The following MKLN1 variants were observed in gnomAD, a reference collection of about 807,000 sequenced individuals.
The protein encoded by MKLN1 is muskelin 1.
Under a neutral mutation model 99.0 loss-of-function variants are expected in MKLN1, and 18 were observed. The observed-to-expected ratio is 0.18, with a 90% CI of 0.13 to 0.27. The LOEUF (loss-of-function observed/expected upper bound fraction) is 0.27, where lower values mean the gene tolerates loss of function less well. MKLN1 is among the 10% of genes least tolerant of loss of function. The pLI is 1.00. For synonymous variants in MKLN1, 288 were observed against 293.2 expected (o/e 0.98, Z 0.18); for missense variants, 621 against 875.9 (o/e 0.71, Z 3.67).
At chr7:131,114,630 A>G (rs920654951) in intron 1 of MKLN1, among the ~76,000 whole-genome samples, 7 of 152,188 alleles carry the variant, frequency 4.6e-5, no homozygotes, top group African/African-American at 1.7e-4. Flanking sequence ...AGCAGTATTA[A>G]ATGCCAGCTA....
intron 3 of MKLN1, among the ~76,000 whole-genome samples, chr7:131,312,527 A>C (rs1054025375): frequency 6.6e-6 from 1 of 152,182 alleles, no homozygotes. Flanking sequence ...TTTTCATGAG[A>C]TTAATCTTAT....
intron 3 of MKLN1, among the ~76,000 whole-genome samples, chr7:131,226,028 C>CCCCT (rs1357629111): frequency 1.5e-4 from 22 of 151,650 alleles, no homozygotes; most frequent in Admixed American, 4.6e-4. Flanking sequence ...CCTGCCTTCC[C>CCCCT]CCCTCCCTCC....
At chr7:131,144,343 G>A (rs1487436195) in intron 2 of MKLN1, among the ~76,000 whole-genome samples, 4 of 151,728 alleles carry the variant, frequency 2.6e-5, no homozygotes, top group East Asian at 1.9e-4. Context: ...TTAGCCGGGC[G>A]TGGTGGTGGG....
chr7:131,453,616 G>A (rs1278878627), intron 12 of MKLN1, among the ~76,000 whole-genome samples: 6 of 151,948 alleles, frequency 3.9e-5, no homozygotes, highest in Admixed American at 3.9e-4. Flanking sequence ...GTGAACTTAA[G>A]TTTCATACTT....
At chr7:131,113,192 G>T (rs946992792) in intron 1 of MKLN1, among the ~76,000 whole-genome samples, 1 of 152,294 alleles carries the variant, frequency 6.6e-6, no homozygotes, top group East Asian at 1.9e-4. Context: ...AACCACACAA[G>T]GTGAATCTTG....
chr7:131,135,182 G>A (rs1795629275), intron 1 of MKLN1, among the ~76,000 whole-genome samples: 1 of 152,256 alleles, frequency 6.6e-6, no homozygotes, highest in South Asian at 2.1e-4. Context: ...GAGTGCAGCA[G>A]AGCGATCTCG....
chr7:131,142,940 C>A (rs79254850), exon 2 of MKLN1: 1 of 1,304,862 alleles, frequency 7.7e-7, no homozygotes, highest in Admixed American at 2.3e-5. Flanking sequence ...GATTGGAATT[C>A]GGTAAGTGTT....
chr7:131,182,350 T>C (rs990382981), intron 2 of MKLN1, among the ~76,000 whole-genome samples: 1 of 152,222 alleles, frequency 6.6e-6, no homozygotes. Flanking sequence ...AGACAATGCT[T>C]ACCACAGCCA....
chr7:131,367,363 T>C (rs1447298005), intron 1 of MKLN1, among the ~76,000 whole-genome samples: 1 of 152,218 alleles, frequency 6.6e-6, no homozygotes, highest in Non-Finnish European at 1.5e-5. Context: ...ATGGCAGATA[T>C]TTAATTTAAC....
At chr7:131,117,275 A>C (rs1488295040) in intron 1 of MKLN1, among the ~76,000 whole-genome samples, 1 of 151,984 alleles carries the variant, frequency 6.6e-6, no homozygotes, top group Non-Finnish European at 1.5e-5. Context: ...ACTAAAATAC[A>C]AAAAATTAGC....
At chr7:131,463,509 G>C (rs1035549609) in intron 13 of MKLN1, 145 bp downstream of exon 13, 1 of 796,850 alleles carries the variant, frequency 1.3e-6, no homozygotes, top group Non-Finnish European at 2.0e-6. Flanking sequence ...AATCAATATC[G>C]GTACCTATGT....
rs1481389840 is a variant in MKLN1 at position 131,381,637 on chromosome 7, C to T, written c.169-5483C>T. Among the ~76,000 whole-genome samples the T allele has an allele frequency of 2.6e-5, 4 of 152,328 alleles. No homozygotes were observed. The East Asian group carries it at 5.8e-4, about 22-fold the overall frequency. On this transcript the variant is annotated intron_variant, in intron 2 of 17. Coordinates refer to ENST00000352689, the MANE Select transcript of MKLN1 (RefSeq NM_013255.5). Reference sequence around the variant, plus strand: ...GACCTCATCACTACCACCACCACCACCACCACTGCCATCATTTTGAAGATG... The same window carrying T: ...GACCTCATCACTACCACCACCACCATCACCACTGCCATCATTTTGAAGATG...
intron 3 of MKLN1, among the ~76,000 whole-genome samples, chr7:131,241,459 C>T (rs943198557): frequency 2.0e-5 from 3 of 151,274 alleles, no homozygotes; most frequent in East Asian, 1.9e-4. Context: ...GTAATTCCAG[C>T]ACTTTGGGAG....
In MKLN1 at chr7:131,428,449, C is replaced by G. The variant is rs558742026; in HGVS notation, c.848-584C>G. On this transcript the variant is annotated intron_variant, in intron 8 of 17. Coordinates refer to ENST00000352689, the MANE Select transcript of MKLN1 (RefSeq NM_013255.5). ...TGTGGATCACTTTTTCTTAAGATATCTAATTTTAACTTAAAGCTAGTTTTA... is the reference window on the plus strand; with the variant it reads ...TGTGGATCACTTTTTCTTAAGATATGTAATTTTAACTTAAAGCTAGTTTTA... Among the ~76,000 whole-genome samples, 3 of 152,236 alleles carry G rather than the reference C, an allele frequency of 2.0e-5. No homozygotes were observed. In the East Asian group the frequency reaches 5.8e-4, roughly 29 times the overall value.
At chr7:131,225,782 G>A (rs562132644) in intron 3 of MKLN1, among the ~76,000 whole-genome samples, 13 of 152,230 alleles carry the variant, frequency 8.5e-5, no homozygotes, top group Non-Finnish European at 1.9e-4. Flanking sequence ...GGCCTTCGAG[G>A]AAGACGGCCT....
chr7:131,160,180 C>T (rs1796025802), intron 2 of MKLN1, among the ~76,000 whole-genome samples: 1 of 152,140 alleles, frequency 6.6e-6, no homozygotes, highest in Admixed American at 6.6e-5. Context: ...TAATATGTGG[C>T]CTTTTGTGAC....
At chr7:131,448,930 A>C (rs888192644) in intron 12 of MKLN1, among the ~76,000 whole-genome samples, 7 of 152,130 alleles carry the variant, frequency 4.6e-5, no homozygotes, top group South Asian at 2.1e-4. Flanking sequence ...AGATTATTTT[A>C]GGCACTTGGG....
chr7:131,389,764 C>G (rs2116890103), intron 4 of MKLN1, among the ~76,000 whole-genome samples: 1 of 151,968 alleles, frequency 6.6e-6, no homozygotes, highest in South Asian at 2.1e-4. Flanking sequence ...TGGTAGGCGC[C>G]TGTAGTCCCA....
intron 2 of MKLN1, among the ~76,000 whole-genome samples, chr7:131,148,165 C>A (rs953412347): frequency 2.0e-5 from 3 of 152,216 alleles, no homozygotes; most frequent in African/African-American, 7.2e-5. Flanking sequence ...CCTCCCGCCT[C>A]AGCTTCTCGA....
Sources: gnomAD v4.1 joint callset for allele counts (sites outside exome capture counted in the v4.1 genomes callset) on GRCh38, gnomAD v4.1.1 for gene constraint, MANE v1.5 for transcripts, NCBI Gene and HGNC (gene_info 2026-07-23, HGNC 2026-07-21) for gene names.